TRANK1: variants seen among roughly 807,000 people sequenced by gnomAD.
The protein encoded by TRANK1 is tetratricopeptide repeat and ankyrin repeat containing 1.
In TRANK1, 198 loss-of-function variants were observed where a neutral mutation model predicts 266.0. That is an observed-to-expected ratio of 0.74 (90% CI 0.66 to 0.84). The LOEUF is 0.84. TRANK1 is among the 40% of genes least tolerant of loss of function. The pLI is 0.00. For missense variants in TRANK1, 3,326 were observed against 3,634.6 expected (o/e 0.92, Z 2.18); for synonymous variants, 1,396 against 1,384.1 (o/e 1.01, Z -0.19).
chr3:36,832,673 T>G lies in TRANK1; in HGVS notation c.6910A>C (p.Arg2304=). 1.2e-6 allele frequency: 2 copies of G among 1,614,064 alleles called. No homozygotes were observed. The highest frequency in any genetic ancestry group is 1.7e-6 in the Non-Finnish European group (2 of 1,179,902). Residue 2304 remains arginine (R), a synonymous_variant, in exon 22 of 24, where the codon AGA becomes CGA. Coordinates refer to ENST00000645898, the MANE Select transcript of TRANK1 (RefSeq NM_001329998.2). Reference sequence around the variant, plus strand: ...TGGATGTACTCCTTCAAAGCAAATCTGTAGAACCGGAAGGATTTGTAATTT... The same window carrying G: ...TGGATGTACTCCTTCAAAGCAAATCGGTAGAACCGGAAGGATTTGTAATTT... ...KPNYKSFRFY[R]FALKEYIHFL...
intron 1 of TRANK1, among the ~76,000 whole-genome samples, chr3:36,942,317 A>T (rs1313530659): frequency 6.6e-6 from 1 of 152,094 alleles, no homozygotes; most frequent in East Asian, 1.9e-4. Flanking sequence ...GTAATGACTA[A>T]CAAGTGATGG....
rs976950037 is a variant in TRANK1 at position 36,908,616 on chromosome 3, CAG to C, written c.24-164_24-163del. Reference sequence around the variant, plus strand: ...CACCTCTCACCACCAGGAAACCAGGCAGAGTGTCTGACAAGACTATTTCTTTG... The same window carrying C: ...CACCTCTCACCACCAGGAAACCAGGCAGTGTCTGACAAGACTATTTCTTTG... On this transcript the variant is annotated intron_variant, in intron 1 of 23. Coordinates refer to ENST00000645898, the MANE Select transcript of TRANK1 (RefSeq NM_001329998.2). 11 of 1,229,230 alleles carry C rather than the reference CAG, an allele frequency of 8.9e-6. No homozygotes were observed. The East Asian group carries it at 1.3e-4, about 14-fold the overall frequency. The allele number at this position is 1,229,230 out of a possible 1,614,324, so 76.1% of individuals were successfully genotyped here.
chr3:36,903,375 G>A (rs1344127890), intron 2 of TRANK1, 100 bp from the exon 3 acceptor site: 3 of 1,415,694 alleles, frequency 2.1e-6, no homozygotes, highest in Admixed American at 2.3e-5. Context: ...CAGGAAGGGG[G>A]TTTCAGTAGG....
chr3:36,846,460 G>A, intron 16 of TRANK1, 56 bp from the exon 17 acceptor site: 1 of 1,545,516 alleles, frequency 6.5e-7, no homozygotes, highest in Non-Finnish European at 8.8e-7. Flanking sequence ...GCTACAAAGT[G>A]ACACACTTCA....
chr3:36,875,158 G>A (rs190842802), intron 8 of TRANK1, among the ~76,000 whole-genome samples: 50 of 152,256 alleles, frequency 3.3e-4, no homozygotes, highest in Non-Finnish European at 2.6e-4. Context: ...AGGTGCTGCT[G>A]TGATGAAATT....
rs1192404892 is a variant in TRANK1, at chr3:36,860,957, T to G, written c.1444A>C (p.Thr482Pro). 1.3e-6 allele frequency: 2 copies of G among 1,537,628 alleles called. No individual in the cohort carries two copies. The highest frequency in any genetic ancestry group is 1.7e-6 in the Non-Finnish European group (2 of 1,146,990). The change falls in exon 11 of 24, where the codon ACC becomes CCC. Residue 482 changes from threonine (T) to proline (P), a missense_variant. Physicochemically the swap from Thr to Pro is conservative, Grantham distance 38. Coordinates refer to ENST00000645898, the MANE Select transcript of TRANK1 (RefSeq NM_001329998.2). ...DICTIIPHLS[T>P]WDQRKKQLLG... is the part of the protein sequence containing the mutation. ...AGCTGTTTCTTCCGCTGGTCCCAGG[T>G]GCTGAGATGGGGGATGATGGTACAG...
rs573705820 is a variant in TRANK1, at chr3:36,831,078, C to T, written c.8505G>A (p.Gln2835=). ...EHHQRQQVAY[Q]KYSEFFHEKV... ...TCTCGTGGAAAAATTCTGAGTATTT[C>T]TGGTAGGCCACTTGCTGCCTCTGGT... is the stretch of plus-strand genomic sequence containing the variant. Residue 2835 remains glutamine (Q), a synonymous_variant, in exon 22 of 24, where the codon CAG becomes CAA. Transcript: ENST00000645898. This position sits in a 1 kb window ranked among gnomAD's most constrained non-coding sequence, Gnocchi z 5.0. 1 of 1,613,994 alleles carries T rather than the reference C, an allele frequency of 6.2e-7. No homozygotes were observed. Among genetic ancestry groups the T allele is most frequent in the South Asian group, 1.1e-5 (1 of 91,080 alleles).
chr3:36,874,149 G>C lies in TRANK1; in HGVS notation c.1055C>G (p.Ala352Gly). The C allele has an allele frequency of 6.5e-7, 1 of 1,537,370 alleles. No individual in the cohort carries two copies. The highest frequency in any genetic ancestry group is 8.7e-7 in the Non-Finnish European group (1 of 1,146,904). Residue 352 changes from alanine (A) to glycine (G), a missense_variant, in exon 9 of 24, where the codon GCT (alanine) becomes GGT (glycine). Coordinates refer to ENST00000645898, the MANE Select transcript of TRANK1 (RefSeq NM_001329998.2). ...EKINSHLEKL[A>G]TCSKDLSGFS... The stretch of plus-strand genomic sequence containing the variant: ...ACCTGATAGGTCCTTAGAACACGTA[G>C]CTAGCTTTTCTAAGTGACTGTTGAT...
intron 17 of TRANK1, among the ~76,000 whole-genome samples, chr3:36,843,650 C>A (rs1221553422): frequency 6.6e-6 from 1 of 151,020 alleles, no homozygotes; most frequent in Non-Finnish European, 1.5e-5. Context: ...AAGTTCTGAG[C>A]CACAGATTCA....
Position 36,864,725 on chromosome 3 carries a change from G to A in TRANK1, c.1079-245C>T, listed in dbSNP as rs2125558443. 2.0e-5 allele frequency among the ~76,000 whole-genome samples: 3 copies of A among 152,254 alleles called. No homozygotes were observed. The South Asian group carries it at 6.2e-4, about 32-fold the overall frequency. On this transcript the variant is annotated intron_variant, in intron 9 of 23. Coordinates refer to ENST00000645898, the MANE Select transcript of TRANK1 (RefSeq NM_001329998.2). ...ATTTTTGTGCCCTTTCTAAGCCTGG[G>A]CCTCAAGAAGCCTTGTATACTTCTG...
rs532099979 is a variant in TRANK1 at position 36,871,320 on chromosome 3, G to A, written c.1078+2806C>T. Among the ~76,000 whole-genome samples the A allele has an allele frequency of 5.9e-5, 9 of 152,240 alleles. No individual in the cohort carries two copies. In the South Asian group the frequency reaches 6.2e-4, roughly 11 times the overall value. Reference sequence around the variant, plus strand: ...GGAGAAACGCTTGAACCGGGGAGGCGGAGGTTGCAGTGAGCCAAGATCGTG... The same window carrying A: ...GGAGAAACGCTTGAACCGGGGAGGCAGAGGTTGCAGTGAGCCAAGATCGTG... On this transcript the variant is annotated intron_variant, in intron 9 of 23. Coordinates refer to ENST00000645898, the MANE Select transcript of TRANK1 (RefSeq NM_001329998.2).
intron 8 of TRANK1, among the ~76,000 whole-genome samples, chr3:36,881,630 T>C (rs982190072): frequency 6.6e-6 from 1 of 152,070 alleles, no homozygotes; most frequent in African/African-American, 2.4e-5. Flanking sequence ...AATAAATAAA[T>C]ATAAACTATA....
In TRANK1 at chr3:36,944,777, C is replaced by A; in HGVS notation, c.23+10G>T. The A allele has an allele frequency of 2.7e-6, 4 of 1,497,648 alleles. No individual in the cohort carries two copies. Among genetic ancestry groups the A allele is most frequent in the Non-Finnish European group, 3.5e-6 (4 of 1,130,614 alleles). The allele number at this position is 1,497,648 out of a possible 1,614,324, so 92.8% of individuals were successfully genotyped here. On this transcript the variant is annotated intron_variant, in intron 1 of 23. Coordinates refer to ENST00000645898, the MANE Select transcript of TRANK1 (RefSeq NM_001329998.2). The stretch of plus-strand genomic sequence containing the variant: ...AGAGATGCCCCAGTGCTTCCCGCGC[C>A]GCTACGCACCTAGCTGCCCGCGGGT...
intron 8 of TRANK1, among the ~76,000 whole-genome samples, chr3:36,884,847 C>T (rs7428947): frequency 1.3e-5 from 2 of 151,020 alleles, no homozygotes; most frequent in Non-Finnish European, 2.9e-5. Flanking sequence ...GCAGGAGAAT[C>T]GCTTGAACCC....
Position 36,855,589 on chromosome 3 carries a change from C to T in TRANK1, c.4133G>A (p.Arg1378Lys). The T allele has an allele frequency of 1.2e-6, 2 of 1,613,778 alleles. No homozygotes were observed. Among genetic ancestry groups the T allele is most frequent in the Non-Finnish European group, 1.7e-6 (2 of 1,179,844 alleles). The change falls in exon 13 of 24, where the codon AGG becomes AAG. Residue 1378 changes from arginine (R) to lysine (K), a missense_variant. Transcript: ENST00000645898. Reference protein sequence around the residue: ...LTEEVYKKLGRKRCPNFKEDR... With the variant: ...LTEEVYKKLGKKRCPNFKEDR... ...TTCCTTGAAATTGGGGCACCGTTTC[C>T]TCCCTAATTTCTTATATACTTCTTC...
intron 21 of TRANK1, 53 bp from the exon 22 acceptor site, chr3:36,833,972 A>C: frequency 1.3e-6 from 2 of 1,517,178 alleles, no homozygotes; most frequent in Non-Finnish European, 1.8e-6. Context: ...ATCAATAGAA[A>C]ATTTCCTCCA....
Position 36,856,199 on chromosome 3 carries a change from C to T in TRANK1, c.3523G>A (p.Ala1175Thr). ...TGTTCTGGTGCACATACTTCTGCAG[C>T]TTGGCCGTCCCCTGCTGGCTCCACA... Reference protein sequence around the residue: ...AGVEPAGDGQAAEVCAPEHPH... With the variant: ...AGVEPAGDGQTAEVCAPEHPH... The change falls in exon 13 of 24, where the codon GCT becomes ACT. Residue 1175 changes from alanine (A) to threonine (T), a missense_variant. Coordinates refer to ENST00000645898, the MANE Select transcript of TRANK1 (RefSeq NM_001329998.2). 6.2e-7 allele frequency: 1 copy of T among 1,613,954 alleles called. No individual in the cohort carries two copies. The highest frequency in any genetic ancestry group is 8.5e-7 in the Non-Finnish European group (1 of 1,179,878).
At chr3:36,891,296 C>A (rs947882731) in intron 7 of TRANK1, among the ~76,000 whole-genome samples, 1 of 152,240 alleles carries the variant, frequency 6.6e-6, no homozygotes, top group Non-Finnish European at 1.5e-5. Flanking sequence ...GCCAATATCA[C>A]GTCACTGCAC....
At chr3:36,913,981 T>G (rs1185524953) in intron 1 of TRANK1, among the ~76,000 whole-genome samples, 2 of 152,224 alleles carry the variant, frequency 1.3e-5, no homozygotes, top group African/African-American at 4.8e-5. Context: ...ACACCAAAGA[T>G]GGTATTTCTA....
Sources: allele counts gnomAD v4.1 joint callset (sites outside exome capture counted in the v4.1 genomes callset), GRCh38; gene constraint gnomAD v4.1.1; non-coding constraint Gnocchi (gnomAD v3.1); transcripts MANE v1.5; gene names NCBI Gene and HGNC (gene_info 2026-07-23, HGNC 2026-07-21).